Variants in C1orf21 observed in about 807,000 individuals in gnomAD.
C1orf21 encodes uncharacterized protein C1orf21.
A neutral mutation model predicts 18.7 loss-of-function variants in C1orf21; 3 were observed. The ratio of observed to expected loss-of-function variants is 0.16; its 90% CI spans 0.07 to 0.42. The LOEUF is 0.42. Ranked by LOEUF, C1orf21 falls within the 10% of genes least tolerant of loss-of-function variation. The pLI is 0.99. For synonymous variants in C1orf21, 41 were observed against 46.4 expected (o/e 0.88, Z 0.47); for missense variants, 104 against 143.6 (o/e 0.72, Z 1.41).
At chr1:184,615,337 A>T (rs1659805227) in intron 5 of C1orf21, among the ~76,000 whole-genome samples, 1 of 152,172 alleles carries the variant, frequency 6.6e-6, no homozygotes, top group Non-Finnish European at 1.5e-5. Context: ...GAAGGCACTC[A>T]TGGTTCTTTC....
intron 1 of C1orf21, among the ~76,000 whole-genome samples, chr1:184,398,068 G>A (rs1434490006): frequency 6.6e-6 from 1 of 152,170 alleles, no homozygotes; most frequent in South Asian, 2.1e-4. Flanking sequence ...AATGTAGCGG[G>A]AAGAATGTGG....
chr1:184,400,632 T>C (rs942707880), intron 1 of C1orf21, among the ~76,000 whole-genome samples: 10 of 152,210 alleles, frequency 6.6e-5, no homozygotes, highest in Non-Finnish European at 1.5e-5. Flanking sequence ...TTCATTTGGC[T>C]GTATGGTTGT....
chr1:184,479,149 G>A (rs974385995), intron 2 of C1orf21, among the ~76,000 whole-genome samples: 5 of 152,156 alleles, frequency 3.3e-5, no homozygotes, highest in African/African-American at 1.2e-4. Flanking sequence ...CTATAGCATT[G>A]AGAACTGTGG....
chr1:184,507,307 T>C (rs1658076625), intron 2 of C1orf21, among the ~76,000 whole-genome samples: 1 of 152,182 alleles, frequency 6.6e-6, no homozygotes. Context: ...TGGAGTATCC[T>C]GTTTCCTCTG....
At chr1:184,500,768 C>G (rs1657963121) in intron 2 of C1orf21, among the ~76,000 whole-genome samples, 1 of 152,144 alleles carries the variant, frequency 6.6e-6, no homozygotes, top group African/African-American at 2.4e-5. Context: ...CTCTTTTTCC[C>G]CTAGGATAAG....
At chr1:184,474,126 A>G (rs1344699477) in intron 1 of C1orf21, among the ~76,000 whole-genome samples, 1 of 152,204 alleles carries the variant, frequency 6.6e-6, no homozygotes, top group African/African-American at 2.4e-5. Flanking sequence ...AAATGAGTAA[A>G]TTACTAAAAT....
intron 3 of C1orf21, among the ~76,000 whole-genome samples, chr1:184,537,816 ATT>A (rs1658583337): frequency 6.6e-6 from 1 of 151,928 alleles, no homozygotes; most frequent in African/African-American, 2.4e-5. Flanking sequence ...ATGCCGGCTA[ATT>A]TTGTATTATT....
chr1:184,435,663 A>G (rs1656846194), intron 1 of C1orf21, among the ~76,000 whole-genome samples: 1 of 152,160 alleles, frequency 6.6e-6, no homozygotes, highest in Admixed American at 6.5e-5. Flanking sequence ...ATTTGAAGCA[A>G]GAGACTGGCC....
chr1:184,480,863 C>T (rs1211432249), intron 2 of C1orf21, among the ~76,000 whole-genome samples: 4 of 152,096 alleles, frequency 2.6e-5, no homozygotes, highest in East Asian at 1.9e-4. Context: ...TACTGGTGGT[C>T]GAGCTGGCTG....
At chr1:184,434,591 G>T in intron 1 of C1orf21, among the ~76,000 whole-genome samples, 1 of 152,322 alleles carries the variant, frequency 6.6e-6, no homozygotes, top group Middle Eastern at 3.4e-3. Context: ...ATGGTACAGT[G>T]CTGGGGTAGA....
intron 3 of C1orf21, among the ~76,000 whole-genome samples, chr1:184,571,773 T>C (rs1341766484): frequency 6.6e-6 from 1 of 152,210 alleles, no homozygotes; most frequent in Admixed American, 6.5e-5. Flanking sequence ...ACTGCTCTTT[T>C]CCTCATCCTC....
At chr1:184,521,642 G>A (rs1658307729) in intron 3 of C1orf21, among the ~76,000 whole-genome samples, 1 of 152,166 alleles carries the variant, frequency 6.6e-6, no homozygotes, top group African/African-American at 2.4e-5. Flanking sequence ...TTTTCTTTTA[G>A]GATGGTGAAA....
intron 2 of C1orf21, among the ~76,000 whole-genome samples, chr1:184,499,785 A>G (rs575954031): frequency 5.9e-5 from 9 of 152,306 alleles, no homozygotes; most frequent in African/African-American, 1.9e-4. Flanking sequence ...TCTCTCTGCA[A>G]CTGTAAAAGA....
At chr1:184,567,736 G>C in intron 3 of C1orf21, 1 of 320,740 alleles carries the variant, frequency 3.1e-6, no homozygotes, top group Non-Finnish European at 6.4e-6. Context: ...GTTAATTGTT[G>C]CTATGTGAAC....
chr1:184,454,602 TG>T (rs1186602934), intron 1 of C1orf21, among the ~76,000 whole-genome samples: 1 of 152,154 alleles, frequency 6.6e-6, no homozygotes, highest in Non-Finnish European at 1.5e-5. Flanking sequence ...CACCATCCCC[TG>T]GTGCCGTTCT....
intron 3 of C1orf21, among the ~76,000 whole-genome samples, chr1:184,524,695 T>TACAGCTGG (rs1658353524): frequency 1.3e-5 from 2 of 152,034 alleles, no homozygotes; most frequent in Non-Finnish European, 2.9e-5. Context: ...GACAAATAAA[T>TACAGCTGG]ACAGCTGGAC....
chr1:184,544,200 C>T (rs1658696754), intron 3 of C1orf21, among the ~76,000 whole-genome samples: 2 of 152,214 alleles, frequency 1.3e-5, no homozygotes, highest in African/African-American at 2.4e-5. Flanking sequence ...GACACTCTCA[C>T]TCCTAGACTC....
At chr1:184,575,031 C>T (rs770095473) in intron 3 of C1orf21, among the ~76,000 whole-genome samples, 1 of 152,102 alleles carries the variant, frequency 6.6e-6, no homozygotes, top group Admixed American at 6.5e-5. Context: ...TGAAGAAACT[C>T]GGGGCTCAAC....
At chr1:184,389,485 T>C (rs1655937222) in intron 1 of C1orf21, among the ~76,000 whole-genome samples, 1 of 152,244 alleles carries the variant, frequency 6.6e-6, no homozygotes, top group Non-Finnish European at 1.5e-5. Context: ...CATCTCACTT[T>C]ATCATTCAAC....
Sources: gnomAD v4.1 joint callset for allele counts (sites outside exome capture counted in the v4.1 genomes callset) on GRCh38, gnomAD v4.1.1 for gene constraint, MANE v1.5 for transcripts, NCBI Gene and HGNC (gene_info 2026-07-23, HGNC 2026-07-21) for gene names.